The following TXNL1 variants were observed in gnomAD, a reference collection of about 807,000 sequenced individuals.
TXNL1 encodes the protein thioredoxin-like protein 1.
A neutral mutation model predicts 35.5 loss-of-function variants in TXNL1; 14 were observed. That is an observed-to-expected ratio of 0.39 (90% CI 0.26 to 0.62). The LOEUF is 0.62. Among genes scored for constraint, TXNL1 ranks in the 20% least tolerant of loss-of-function variants. The pLI is 0.47. For synonymous variants in TXNL1, 110 were observed against 115.5 expected (o/e 0.95, Z 0.31); for missense variants, 263 against 349.7 (o/e 0.75, Z 1.98).
intron 2 of TXNL1, 118 bp downstream of exon 2, chr18:56,626,243 T>C (rs753910428): frequency 3.4e-6 from 5 of 1,462,332 alleles, no homozygotes; most frequent in Non-Finnish European, 4.5e-6. Flanking sequence ...ACATAACATC[T>C]TCCTATCTTC....
chr18:56,626,433 G>C lies in TXNL1; in HGVS notation c.123C>G (p.Ala41=), dbSNP rs2024280353. 1 of 1,612,256 alleles carries C rather than the reference G, an allele frequency of 6.2e-7. No homozygotes were observed. The highest frequency in any genetic ancestry group is 8.5e-7 in the Non-Finnish European group (1 of 1,179,022). Residue 41 remains alanine, a synonymous_variant, in exon 2 of 8, where the codon GCC becomes GCG. Coordinates refer to ENST00000217515, the MANE Select transcript of TXNL1 (RefSeq NM_004786.3). The stretch of plus-strand genomic sequence containing the variant: ...TATTACTCATAGAACTGAATGCTGG[G>C]GCAATCCTCAAACATGGCCCACACC... ...MRGCGPCLRI[A]PAFSSMSNKY...
intron 3 of TXNL1, among the ~76,000 whole-genome samples, chr18:56,622,320 T>C (rs1431971242): frequency 1.3e-5 from 2 of 152,144 alleles, no homozygotes; most frequent in African/African-American, 4.8e-5. Flanking sequence ...ATGCAATGCA[T>C]GATCCTTGAT....
At chr18:56,609,535 T>C (rs951070754) in intron 7 of TXNL1, 1 of 152,020 alleles carries the variant, frequency 6.6e-6, no homozygotes. Context: ...TCAAATAGCA[T>C]AAACTGAGGT....
chr18:56,634,119 A>G (rs1872514872), intron 1 of TXNL1, among the ~76,000 whole-genome samples: 1 of 152,090 alleles, frequency 6.6e-6, no homozygotes, highest in African/African-American at 2.4e-5. Context: ...ACTCATAACC[A>G]CTAAAATGTA....
At chr18:56,603,079 A>G (rs1487666222) in intron 7 of TXNL1, 23 bp from the exon 8 acceptor site, 1 of 1,594,548 alleles carries the variant, frequency 6.3e-7, no homozygotes, top group Admixed American at 1.7e-5. Context: ...AAATAAGTTT[A>G]TATGTACATC....
chr18:56,612,525 T>G (rs76770979), intron 6 of TXNL1, among the ~76,000 whole-genome samples: 3,832 of 152,260 alleles, frequency 0.025, 170 homozygotes, highest in African/African-American at 0.086. Flanking sequence ...CTAGGTGCTG[T>G]CTACTTTAAA....
At chr18:56,624,987 A>G (rs1350945618) in intron 2 of TXNL1, among the ~76,000 whole-genome samples, 1 of 152,206 alleles carries the variant, frequency 6.6e-6, no homozygotes, top group African/African-American at 2.4e-5. Context: ...TCTAACAGCT[A>G]TCTTTATAAA....
rs955507202 is a variant in TXNL1, at chr18:56,600,998, C to T, written c.*2029G>A. On this transcript the variant is annotated 3_prime_UTR_variant, in exon 8 of 8. Coordinates refer to ENST00000217515, the MANE Select transcript of TXNL1 (RefSeq NM_004786.3). Reference sequence around the variant, plus strand: ...GACAAAATGAACAAGAAACTGAATACCAGTTTTCTAGATGCACTAATAAAT... The same window carrying T: ...GACAAAATGAACAAGAAACTGAATATCAGTTTTCTAGATGCACTAATAAAT... 1.3e-5 allele frequency: 2 copies of T among 152,088 alleles called. No individual in the cohort carries two copies. Among genetic ancestry groups the T allele is most frequent in the Non-Finnish European group, 2.9e-5 (2 of 67,986 alleles). The allele number at this position is 152,088 out of a possible 1,614,324, so 9.4% of individuals were successfully genotyped here. A position where few individuals can be genotyped will look rare whatever the true frequency, so the allele number is the denominator to read the frequency against.
rs2023820443 is a variant in TXNL1, at chr18:56,602,302, C to T, written c.*725G>A. ...CTGGGATTACAGACATTAGCCACCACACCTGGCCAATTCCTGTTTTCTGAA... is the reference window on the plus strand; with the variant it reads ...CTGGGATTACAGACATTAGCCACCATACCTGGCCAATTCCTGTTTTCTGAA... On this transcript the variant is annotated 3_prime_UTR_variant, in exon 8 of 8. Transcript: ENST00000217515. The T allele has an allele frequency of 6.6e-6, 1 of 151,330 alleles. No homozygotes were observed. The highest frequency in any genetic ancestry group is 2.1e-4 in the South Asian group (1 of 4,818). The allele number at this position is 151,330 out of a possible 1,614,324, so 9.4% of individuals were successfully genotyped here. A position where few individuals can be genotyped will look rare whatever the true frequency, so the allele number is the denominator to read the frequency against.
rs1291962428 is a variant in TXNL1 at position 56,600,620 on chromosome 18, T to TAAA, written c.*2406_*2407insTTT. 6.7e-6 allele frequency: 1 copy of TAAA among 149,906 alleles called. No homozygotes were observed. Among genetic ancestry groups the TAAA allele is most frequent in the Non-Finnish European group, 1.5e-5 (1 of 67,706 alleles). 9.3% of individuals were successfully genotyped at this position (149,906 alleles called of 1,614,324 possible). On this transcript the variant is annotated 3_prime_UTR_variant, in exon 8 of 8. Coordinates refer to ENST00000217515, the MANE Select transcript of TXNL1 (RefSeq NM_004786.3). Reference sequence around the variant, plus strand: ...AACAACGTGGGGCAGGTTTCAACTCTAATTGTTACGTGGCTGCCTCCAACA... The same window carrying TAAA: ...AACAACGTGGGGCAGGTTTCAACTCTAAAAATTGTTACGTGGCTGCCTCCAACA...
intron 1 of TXNL1, among the ~76,000 whole-genome samples, chr18:56,631,173 C>T (rs1486402756): frequency 6.6e-6 from 1 of 152,148 alleles, no homozygotes; most frequent in Non-Finnish European, 1.5e-5. Flanking sequence ...AGCCACTGTG[C>T]CCAGCCAATT....
Position 56,603,069 on chromosome 18 carries a change from AAAT to A in TXNL1, c.841-16_841-14del. 1 of 1,609,736 alleles carries A rather than the reference AAAT, an allele frequency of 6.2e-7. No homozygotes were observed. The highest frequency in any genetic ancestry group is 1.1e-5 in the South Asian group (1 of 91,002). On this transcript the variant is annotated splice_polypyrimidine_tract_variant and intron_variant, in intron 7 of 7. Coordinates refer to ENST00000217515, the MANE Select transcript of TXNL1 (RefSeq NM_004786.3). ...TTTTGCCAACTACCTAGAAAAACAA[AAAT>A]AAGTTTATATGTACATCCTATTGAT...
Position 56,638,368 on chromosome 18 carries a change from C to T in TXNL1, c.73G>A (p.Ala25Thr). ...CCTCTCATGGTGAACTTGACCACGG[C>T]GAGTCTGGAGCCCGCGCCGCTCAGC... The part of the protein sequence containing the change: ...PELSGAGSRL[A>T]VVKFTMRGCG... The change falls in exon 1 of 8, where the codon GCC (alanine) becomes ACC (threonine). Residue 25 changes from alanine to threonine, a missense_variant. Coordinates refer to ENST00000217515, the MANE Select transcript of TXNL1 (RefSeq NM_004786.3). 3.1e-6 allele frequency: 5 copies of T among 1,613,488 alleles called. No homozygotes were observed. The highest frequency in any genetic ancestry group is 4.2e-6 in the Non-Finnish European group (5 of 1,179,668).
At chr18:56,637,408 T>C (rs562775970) in intron 1 of TXNL1, among the ~76,000 whole-genome samples, 1 of 152,278 alleles carries the variant, frequency 6.6e-6, no homozygotes, top group Admixed American at 6.5e-5. Flanking sequence ...CGGAAACCTC[T>C]CATACTTCTA....
chr18:56,634,339 C>T (rs990104498), intron 1 of TXNL1, among the ~76,000 whole-genome samples: 6 of 152,116 alleles, frequency 3.9e-5, no homozygotes, highest in East Asian at 1.9e-4. Context: ...ATAATTCAAA[C>T]GATGCATTTA....
At chr18:56,634,972 G>A (rs900281603) in intron 1 of TXNL1, among the ~76,000 whole-genome samples, 3 of 152,168 alleles carry the variant, frequency 2.0e-5, no homozygotes, top group Non-Finnish European at 4.4e-5. Flanking sequence ...TCAAAAATGG[G>A]CACAGAAGGC....
At chr18:56,619,642 C>T (rs891629798) in intron 3 of TXNL1, among the ~76,000 whole-genome samples, 9 of 151,748 alleles carry the variant, frequency 5.9e-5, no homozygotes, top group East Asian at 1.9e-4. Flanking sequence ...TGGATTTTAC[C>T]GTTTACTTCC....
At chr18:56,616,568 G>C (rs77794966) in intron 4 of TXNL1, among the ~76,000 whole-genome samples, 2,601 of 152,220 alleles carry the variant, frequency 0.017, 58 homozygotes, top group East Asian at 0.078. Context: ...CTATGCATAG[G>C]AATGTAAGGT....
Position 56,603,120 on chromosome 18 carries a change from T to C in TXNL1, c.841-64A>G, listed in dbSNP as rs545130760. The C allele has an allele frequency of 2.2e-6, 3 of 1,374,136 alleles. No homozygotes were observed. In the East Asian group the frequency reaches 7.2e-5, roughly 33 times the overall value. The allele number at this position is 1,374,136 out of a possible 1,614,324, so 85.1% of individuals were successfully genotyped here. A position where few individuals can be genotyped will look rare whatever the true frequency, so the allele number is the denominator to read the frequency against. The stretch of plus-strand genomic sequence containing the variant: ...GATTTTAAATATGAGTTATTAAAAA[T>C]ACTAATAATCAGTTTAAAACCTTGG... On this transcript the variant is annotated intron_variant, in intron 7 of 7. Transcript: ENST00000217515.
Sources: gnomAD v4.1 joint callset for allele counts (sites outside exome capture counted in the v4.1 genomes callset) on GRCh38, gnomAD v4.1.1 for gene constraint, MANE v1.5 for transcripts, NCBI Gene and HGNC (gene_info 2026-07-23, HGNC 2026-07-21) for gene names.